Variants in ZFR observed in about 807,000 individuals in gnomAD.
The protein encoded by ZFR is zinc finger RNA-binding protein.
ZFR carries 19 observed loss-of-function variants against 130.7 expected under a neutral mutation model. The ratio of observed to expected loss-of-function variants is 0.15; its 90% CI spans 0.10 to 0.21. The LOEUF (loss-of-function observed/expected upper bound fraction) is 0.21, where lower values mean the gene tolerates loss of function less well. ZFR is among the 10% of genes least tolerant of loss of function. The probability of loss-of-function intolerance (pLI) is 1.00; values close to 1 mark genes in which losing one functional copy is unlikely to be tolerated. For missense variants in ZFR, 872 were observed against 1,321.5 expected (o/e 0.66, Z 5.27); for synonymous variants, 466 against 456.9 (o/e 1.02, Z -0.25).
chr5:32,372,311 T>C (rs190541694), intron 17 of ZFR, among the ~76,000 whole-genome samples: 2 of 152,248 alleles, frequency 1.3e-5, no homozygotes, highest in Admixed American at 1.3e-4. Flanking sequence ...GGACTTTGGG[T>C]GATAGTCACA....
chr5:32,367,607 T>C (rs1752575911), intron 17 of ZFR, among the ~76,000 whole-genome samples: 1 of 151,998 alleles, frequency 6.6e-6, no homozygotes, highest in African/African-American at 2.4e-5. Flanking sequence ...AGAGATGAGG[T>C]CTTGCTATGT....
chr5:32,405,621 A>C (rs1561897856), intron 6 of ZFR, among the ~76,000 whole-genome samples: 1 of 152,100 alleles, frequency 6.6e-6, no homozygotes. Context: ...CATGACACTA[A>C]CCCCTCTGAA....
At chr5:32,378,528 A>AG (rs1038666114) in intron 17 of ZFR, among the ~76,000 whole-genome samples, 2 of 152,284 alleles carry the variant, frequency 1.3e-5, no homozygotes, top group African/African-American at 4.8e-5. Context: ...CTTGCTCTTC[A>AG]GGAATCAAAG....
rs749027953 is a variant in ZFR, at chr5:32,403,991, T to C, written c.1139A>G (p.Asn380Ser). 1.2e-6 allele frequency: 2 copies of C among 1,614,038 alleles called. No individual in the cohort carries two copies. Among genetic ancestry groups the C allele is most frequent in the East Asian group, 2.2e-5 (1 of 44,882 alleles). Residue 380 changes from asparagine (N) to serine (S), a missense_variant, in exon 7 of 20, where the codon AAT (asparagine) becomes AGT (serine). Transcript: ENST00000265069. ...ATCGCAGAGCTCACAACGTAGCTGA[T>C]TTTGAGTCCCACGAGTAGAACTGTT... is the stretch of plus-strand genomic sequence containing the variant. ...SSNSSTRGTQ[N>S]QLRCELCDVS...
At position 32,411,714 on chromosome 5, in the gene ZFR, G is replaced by GGGGGGGC. The variant is rs138920140; in HGVS notation, c.784+3254_784+3255insGCCCCCC. ...AAAAAAAAAAAAAAAAATTGAGGGGGGGCGGGGAATAGAAAATATAATACA... is the reference window on the plus strand; with the variant it reads ...AAAAAAAAAAAAAAAAATTGAGGGGGGGGGGGCGGCGGGGAATAGAAAATATAATACA... On this transcript the variant is annotated intron_variant, in intron 5 of 19. Transcript: ENST00000265069. Among the ~76,000 whole-genome samples the GGGGGGGC allele has an allele frequency of 9.5e-4, 52 of 54,602 alleles. 3 individuals are homozygous for GGGGGGGC. Among genetic ancestry groups the GGGGGGGC allele is most frequent in the Non-Finnish European group, 1.4e-3 (41 of 29,896 alleles). The allele number at this position is 54,602 out of a possible 152,430, so 35.8% of individuals were successfully genotyped here. A position where few individuals can be genotyped will look rare whatever the true frequency, so the allele number is the denominator to read the frequency against.
intron 15 of ZFR, among the ~76,000 whole-genome samples, chr5:32,384,010 T>A (rs1359169718): frequency 6.6e-6 from 1 of 152,220 alleles, no homozygotes; most frequent in African/African-American, 2.4e-5. Context: ...TTGTTTCCTT[T>A]AGAAGGGATA....
intron 2 of ZFR, among the ~76,000 whole-genome samples, chr5:32,436,261 G>A (rs923121070): frequency 5.6e-5 from 8 of 143,486 alleles, no homozygotes; most frequent in Non-Finnish European, 1.0e-4. Context: ...CCATTCTCCT[G>A]CCTCGGCCTC....
Position 32,444,342 on chromosome 5 carries a change from G to A in ZFR, c.38-14C>T. ...GCCGGCTGGGCACTGCGGCGGGCACGAAGAGTCGGGTCCCATGGCGGGACA... is the reference window on the plus strand; with the variant it reads ...GCCGGCTGGGCACTGCGGCGGGCACAAAGAGTCGGGTCCCATGGCGGGACA... On this transcript the variant is annotated splice_polypyrimidine_tract_variant and intron_variant, in intron 1 of 19. Coordinates refer to ENST00000265069, the MANE Select transcript of ZFR (RefSeq NM_016107.5). 1 of 1,534,666 alleles carries A rather than the reference G, an allele frequency of 6.5e-7. No homozygotes were observed.
chr5:32,411,988 C>CA (rs371389751), intron 5 of ZFR, among the ~76,000 whole-genome samples: 2 of 151,668 alleles, frequency 1.3e-5, no homozygotes, highest in African/African-American at 4.8e-5. Context: ...ATAGTAATAA[C>CA]AAAAAAAGAA....
intron 4 of ZFR, 35 bp downstream of exon 4, chr5:32,417,613 T>G: frequency 6.2e-7 from 1 of 1,606,646 alleles, no homozygotes; most frequent in South Asian, 1.1e-5. Flanking sequence ...ACTTCAATAG[T>G]TTACAAAGAA....
At chr5:32,362,269 T>C (rs1387290455) in intron 19 of ZFR, among the ~76,000 whole-genome samples, 1 of 152,118 alleles carries the variant, frequency 6.6e-6, no homozygotes, top group Non-Finnish European at 1.5e-5. Flanking sequence ...CGCCTACCTA[T>C]AGGAAGGAAT....
intron 17 of ZFR, among the ~76,000 whole-genome samples, chr5:32,377,755 C>T (rs910724644): frequency 3.9e-5 from 6 of 152,050 alleles, no homozygotes; most frequent in African/African-American, 9.7e-5. Context: ...GGCACAATCT[C>T]GGCTCACTGC....
At chr5:32,375,931 C>A (rs960599615) in intron 17 of ZFR, among the ~76,000 whole-genome samples, 10 of 151,708 alleles carry the variant, frequency 6.6e-5, no homozygotes, top group Admixed American at 6.6e-5. Context: ...GCAACCTCCG[C>A]CCTGAGTTCA....
chr5:32,386,063 GAA>G (rs1448934019), intron 14 of ZFR, among the ~76,000 whole-genome samples: 1 of 152,078 alleles, frequency 6.6e-6, no homozygotes, highest in African/African-American at 2.4e-5. Context: ...TCAGGGAGCA[GAA>G]AGTCTCAGTC....
intron 19 of ZFR, among the ~76,000 whole-genome samples, chr5:32,357,998 G>A (rs1256769134): frequency 6.6e-6 from 1 of 152,150 alleles, no homozygotes; most frequent in Admixed American, 6.6e-5. Context: ...TGGTTTATAG[G>A]ATGTTTTGAT....
rs147187677 is a variant in ZFR, at chr5:32,393,570, G to A, written c.1979+1589C>T. Among the ~76,000 whole-genome samples the A allele has an allele frequency of 3.7e-3, 570 of 152,250 alleles. 4 individuals carry two copies. The highest frequency in any genetic ancestry group is 0.012 in the African/African-American group (501 of 41,546). ...GTTGGTCAGGCTGGTCTTGAATCCCGACCTCAGGTGATCCACCCACCTCAG... is the reference window on the plus strand; with the variant it reads ...GTTGGTCAGGCTGGTCTTGAATCCCAACCTCAGGTGATCCACCCACCTCAG... On this transcript the variant is annotated intron_variant, in intron 11 of 19. Transcript: ENST00000265069.
chr5:32,360,492 T>C (rs1253842268), intron 19 of ZFR, among the ~76,000 whole-genome samples: 1 of 152,200 alleles, frequency 6.6e-6, no homozygotes, highest in Non-Finnish European at 1.5e-5. Context: ...CATCATAGCA[T>C]GTGTCAGTAC....
intron 8 of ZFR, among the ~76,000 whole-genome samples, chr5:32,400,923 G>A (rs976993849): frequency 6.6e-6 from 1 of 152,100 alleles, no homozygotes; most frequent in Non-Finnish European, 1.5e-5. Context: ...CAATGATTAG[G>A]TCTCTCTGCA....
intron 12 of ZFR, 72 bp from the exon 13 acceptor site, chr5:32,388,746 T>C (rs908636713): frequency 1.0e-5 from 13 of 1,297,786 alleles, no homozygotes; most frequent in Admixed American, 7.2e-5. Flanking sequence ...TTTTCAACTA[T>C]ACATATTTGT....
Sources: gnomAD v4.1 joint callset for allele counts (sites outside exome capture counted in the v4.1 genomes callset) on GRCh38, gnomAD v4.1.1 for gene constraint, MANE v1.5 for transcripts, NCBI Gene and HGNC (gene_info 2026-07-23, HGNC 2026-07-21) for gene names.